The following PTPRM variants were observed in gnomAD, a reference collection of about 807,000 sequenced individuals.
PTPRM encodes receptor-type tyrosine-protein phosphatase mu.
A neutral mutation model predicts 186.7 loss-of-function variants in PTPRM; 47 were observed. The observed-to-expected ratio is 0.25, with a 90% CI of 0.20 to 0.32. The LOEUF is 0.32. PTPRM is among the 10% of genes least tolerant of loss of function. The probability of loss-of-function intolerance (pLI) is 1.00; values close to 1 mark genes in which losing one functional copy is unlikely to be tolerated. For synonymous variants in PTPRM, 668 were observed against 674.9 expected, an observed-to-expected ratio of 0.99 and a Z score of 0.16; for missense variants, 1,494 against 1,865.0, an observed-to-expected ratio of 0.80 and a Z score of 3.66.
At chr18:7,777,095 A>C (rs561826065) in intron 2 of PTPRM, among the ~76,000 whole-genome samples, 135 of 152,310 alleles carry the variant, frequency 8.9e-4, no homozygotes, top group African/African-American at 3.1e-3. Context: ...TCTCAGGGCA[A>C]ATGGGTGGGA....
chr18:7,895,120 C>T (rs1204657362), intron 3 of PTPRM, among the ~76,000 whole-genome samples: 1 of 151,944 alleles, frequency 6.6e-6, no homozygotes, highest in Non-Finnish European at 1.5e-5. Context: ...GAATATCAGC[C>T]CTGCTTACTT....
intron 11 of PTPRM, among the ~76,000 whole-genome samples, chr18:8,110,712 ATACCT>A (rs2091715881): frequency 2.0e-5 from 3 of 152,196 alleles, no homozygotes; most frequent in African/African-American, 7.2e-5. Context: ...GATTCTGTAC[ATACCT>A]TGATTCCTCA....
intron 9 of PTPRM, among the ~76,000 whole-genome samples, chr18:8,082,848 C>T (rs1022892664): frequency 1.3e-5 from 2 of 152,040 alleles, no homozygotes; most frequent in Admixed American, 6.6e-5. Flanking sequence ...TGGGCATTTC[C>T]AACTTAGTAT....
chr18:7,891,966 A>G (rs1402802646), intron 3 of PTPRM, among the ~76,000 whole-genome samples: 2 of 152,190 alleles, frequency 1.3e-5, no homozygotes, highest in East Asian at 3.9e-4. Context: ...TAGGCTGAGA[A>G]GCTGAATGTG....
intron 1 of PTPRM, among the ~76,000 whole-genome samples, chr18:7,611,766 G>A (rs567961204): frequency 2.2e-4 from 34 of 152,256 alleles, no homozygotes; most frequent in African/African-American, 7.2e-4. Context: ...CCTTGCACAA[G>A]CTCTCTTTGC....
At chr18:7,866,410 G>T (rs1567939272) in intron 2 of PTPRM, among the ~76,000 whole-genome samples, 1 of 152,158 alleles carries the variant, frequency 6.6e-6, no homozygotes, top group African/African-American at 2.4e-5. Context: ...TGGTTTCAAA[G>T]AAGTTACTTA....
chr18:8,157,789 A>T (rs1337359269), intron 14 of PTPRM, among the ~76,000 whole-genome samples: 1 of 152,220 alleles, frequency 6.6e-6, no homozygotes, highest in Non-Finnish European at 1.5e-5. Context: ...CTGAGTGGGC[A>T]TGGCATTGGC....
chr18:8,372,657 C>G (rs2095670482), intron 24 of PTPRM, among the ~76,000 whole-genome samples: 1 of 151,584 alleles, frequency 6.6e-6, no homozygotes, highest in Non-Finnish European at 1.5e-5. Context: ...TTCTGGTTGA[C>G]TCAGTTCTTC....
At chr18:8,173,793 A>G (rs78423824) in intron 14 of PTPRM, among the ~76,000 whole-genome samples, 9,302 of 152,224 alleles carry the variant, frequency 0.061, 383 homozygotes, top group Middle Eastern at 0.22. Flanking sequence ...CTTAGGATGG[A>G]TGTGGTGGCT....
At chr18:7,715,831 A>G (rs1321102211) in intron 1 of PTPRM, among the ~76,000 whole-genome samples, 1 of 152,232 alleles carries the variant, frequency 6.6e-6, no homozygotes, top group Non-Finnish European at 1.5e-5. Context: ...AAGGAGAACT[A>G]CAAACCACTG....
intron 14 of PTPRM, among the ~76,000 whole-genome samples, chr18:8,206,053 G>A (rs1389114036): frequency 6.6e-6 from 1 of 152,062 alleles, no homozygotes; most frequent in East Asian, 1.9e-4. Context: ...GGGATGAGTT[G>A]AGGATAATGA....
intron 1 of PTPRM, among the ~76,000 whole-genome samples, chr18:7,614,758 C>G (rs1049815718): frequency 1.3e-5 from 2 of 152,106 alleles, no homozygotes; most frequent in Admixed American, 6.5e-5. Flanking sequence ...GACACAGGAT[C>G]GATGTGCTGT....
intron 20 of PTPRM, among the ~76,000 whole-genome samples, chr18:8,307,819 A>T (rs2095238034): frequency 6.6e-6 from 1 of 151,988 alleles, no homozygotes; most frequent in East Asian, 1.9e-4. Context: ...AAAAAAAATA[A>T]AAATAAAAAA....
intron 3 of PTPRM, among the ~76,000 whole-genome samples, chr18:7,891,482 C>A (rs1381219996): frequency 6.6e-6 from 1 of 151,976 alleles, no homozygotes; most frequent in Non-Finnish European, 1.5e-5. Context: ...TAAACACATG[C>A]TTTTTATATA....
intron 9 of PTPRM, among the ~76,000 whole-genome samples, chr18:8,081,882 T>C (rs567240545): frequency 1.3e-5 from 2 of 152,150 alleles, no homozygotes; most frequent in African/African-American, 2.4e-5. Flanking sequence ...TTTTTAGAAG[T>C]AGGAAAGAGA....
intron 11 of PTPRM, 23 bp from the exon 12 acceptor site, chr18:8,113,463 T>C: frequency 1.9e-6 from 3 of 1,604,450 alleles, no homozygotes; most frequent in Non-Finnish European, 2.6e-6. Context: ...AAAATATCAT[T>C]GATGGTACTC....
intron 1 of PTPRM, among the ~76,000 whole-genome samples, chr18:7,728,924 C>A (rs2040601105): frequency 6.7e-6 from 1 of 149,066 alleles, no homozygotes; most frequent in South Asian, 2.1e-4. Flanking sequence ...TTTCCTCCAA[C>A]CTTTTTTTTT....
chr18:8,046,400 G>C (rs1220836298), intron 7 of PTPRM, among the ~76,000 whole-genome samples: 1 of 152,142 alleles, frequency 6.6e-6, no homozygotes, highest in Admixed American at 6.5e-5. Flanking sequence ...GTTATTTATT[G>C]ACCTTCTAAA....
chr18:8,217,362 C>T (rs533541506), intron 14 of PTPRM, among the ~76,000 whole-genome samples: 4 of 152,288 alleles, frequency 2.6e-5, no homozygotes, highest in African/African-American at 9.6e-5. Context: ...GCATTTCTTC[C>T]TTCTTCCCCC....
Sources: allele counts gnomAD v4.1 joint callset (sites outside exome capture counted in the v4.1 genomes callset), GRCh38; gene constraint gnomAD v4.1.1; transcripts MANE v1.5; gene names NCBI Gene and HGNC (gene_info 2026-07-23, HGNC 2026-07-21).